The following RTBDN variants were observed in gnomAD, a reference collection of about 807,000 sequenced individuals.
The protein encoded by RTBDN is retbindin.
RTBDN carries 24 observed loss-of-function variants against 21.9 expected under a neutral mutation model. The observed-to-expected ratio is 1.10, with a 90% confidence interval of 0.79 to 1.54. The LOEUF is 1.54. Ranked by LOEUF, RTBDN falls within the 40% of genes most tolerant of loss-of-function variation. RTBDN has a pLI of 0.00. For synonymous variants in RTBDN, 141 were observed against 125.9 expected (o/e 1.12, Z -0.80); for missense variants, 325 against 315.2 (o/e 1.03, Z -0.23).
At chr19:12,829,041 GACA>G (rs1969447528) in intron 2 of RTBDN, 88 bp from the exon 3 acceptor site, 5 of 1,566,818 alleles carry the variant, frequency 3.2e-6, no homozygotes, top group Non-Finnish European at 4.3e-6. Flanking sequence ...GGACAGGGGA[GACA>G]ACAATTACAT....
At position 12,828,683 on chromosome 19, in the gene RTBDN, C is replaced by T; in HGVS notation, c.339G>A (p.Pro113=). ...AGGCCTGGCAGAGCTCCTCGCAGAG[C>T]GGCTGTGCCTGGCGTACCCCCAATA... ...LRLLGVRQAQ[P]LCEELCQAWF... Residue 113 remains proline, a synonymous_variant, in exon 4 of 6, where the codon CCG becomes CCA. Transcript: ENST00000674343. 5 of 1,613,998 alleles carry T rather than the reference C, an allele frequency of 3.1e-6. No individual in the cohort carries two copies. Among genetic ancestry groups the T allele is most frequent in the Non-Finnish European group, 4.2e-6 (5 of 1,179,924 alleles).
chr19:12,835,021 G>A (rs1969707344), upstream of RTBDN: 1 of 1,592,482 alleles, frequency 6.3e-7, no homozygotes, highest in East Asian at 2.2e-5. Context: ...AGCCGAGAAT[G>A]GGCCCAGACT....
upstream of RTBDN, chr19:12,835,174 TG>T (rs1969712600): frequency 2.1e-6 from 3 of 1,458,250 alleles, no homozygotes; most frequent in South Asian, 2.3e-5. Context: ...GCAGGAAAAA[TG>T]GTGATCAGAC....
In RTBDN at chr19:12,825,774, T is replaced by A; in HGVS notation, c.622A>T (p.Ser208Cys). Residue 208 changes from serine (S) to cysteine (C), a missense_variant, in exon 6 of 6, where the codon AGC becomes TGC. Transcript: ENST00000674343. ...GCGTCCAGGATGGAGGTGCGAGGGCTGCGGGAACGCCGGGAGGGAGCTTCC... is the reference window on the plus strand; with the variant it reads ...GCGTCCAGGATGGAGGTGCGAGGGCAGCGGGAACGCCGGGAGGGAGCTTCC... ...GREAPSRRSR[S>C]PRTSILDAAG... 6.3e-7 allele frequency: 1 copy of A among 1,594,696 alleles called. No homozygotes were observed. The highest frequency in any genetic ancestry group is 1.3e-5 in the African/African-American group (1 of 74,212).
intron 1 of RTBDN, among the ~76,000 whole-genome samples, chr19:12,832,075 TTGCTGAGTATGTGTTTGTATGTG>T (rs1330989035): frequency 2.4e-4 from 37 of 152,306 alleles, no homozygotes; most frequent in African/African-American, 8.7e-4. Flanking sequence ...GTGTCTGCAT[TTGCTGAGTATGTGTTTGTATGTG>T]TGTTAATTTG....
upstream of RTBDN, chr19:12,835,194 G>GGAC: frequency 8.3e-7 from 1 of 1,206,148 alleles, no homozygotes; most frequent in Non-Finnish European, 1.2e-6. Flanking sequence ...ACTGCAGGAA[G>GGAC]GACCTTCCAG....
chr19:12,833,168 G>A (rs941613133), intron 1 of RTBDN, among the ~76,000 whole-genome samples: 1 of 151,866 alleles, frequency 6.6e-6, no homozygotes, highest in Admixed American at 6.6e-5. Context: ...GCAGGTGGGT[G>A]GGGGGGCATA....
rs967702984 is a variant in RTBDN at position 12,830,383 on chromosome 19, A to C, written c.-18-386T>G. The C allele has an allele frequency of 3.0e-6, 3 of 994,960 alleles. No individual in the cohort carries two copies. Among genetic ancestry groups the C allele is most frequent in the Admixed American group, 5.9e-5 (1 of 16,916 alleles). The allele number at this position is 994,960 out of a possible 1,614,324, so 61.6% of individuals were successfully genotyped here. On this transcript the variant is annotated intron_variant, in intron 1 of 5. Transcript: ENST00000674343. This position sits in a 1 kb window ranked among gnomAD's most constrained non-coding sequence, Gnocchi z 4.2. ...GTTCAGTAATTCCTCCCTCTCTTCT[A>C]TGCGGCCTCCCTCCTCCCTCTCTCG...
chr19:12,834,880 C>A (rs752747606), upstream of RTBDN: 9 of 1,610,328 alleles, frequency 5.6e-6, no homozygotes, highest in Non-Finnish European at 7.6e-6. This position sits in a 1 kb window ranked among gnomAD's most constrained non-coding sequence, Gnocchi z 4.7. Flanking sequence ...AGGGTTAATA[C>A]GGAGGTCCGG....
At chr19:12,827,442 C>A (rs1179914722) in intron 4 of RTBDN, among the ~76,000 whole-genome samples, 8 of 151,548 alleles carry the variant, frequency 5.3e-5, no homozygotes, top group Non-Finnish European at 1.0e-4. Context: ...CCTGCCTCAG[C>A]CTCCCGAGTA....
At chr19:12,826,963 C>A in intron 4 of RTBDN, 92 bp from the exon 5 acceptor site, 2 of 868,122 alleles carry the variant, frequency 2.3e-6, no homozygotes, top group Non-Finnish European at 1.9e-6. Context: ...CTATATGCCC[C>A]CACCTCGGAT....
At chr19:12,835,290 C>T, upstream of RTBDN, 3 of 621,860 alleles carry the variant, frequency 4.8e-6, no homozygotes, top group South Asian at 3.7e-5. Flanking sequence ...GGAGCCTAGG[C>T]CTCTCTGAAG....
chr19:12,828,862 T>C lies in RTBDN; in HGVS notation c.254+7A>G. The stretch of plus-strand genomic sequence containing the variant: ...CGCGAGAAAACGGTGGAGGGTGCTG[T>C]ACTCACTCAGGGCTCGGCACTCCAC... On this transcript the variant is annotated splice_region_variant and intron_variant, in intron 3 of 5. Transcript: ENST00000674343. 1 of 1,614,192 alleles carries C rather than the reference T, an allele frequency of 6.2e-7. No homozygotes were observed. The highest frequency in any genetic ancestry group is 8.5e-7 in the Non-Finnish European group (1 of 1,180,026).
chr19:12,835,157 C>T (rs1317826059), upstream of RTBDN: 1 of 1,558,432 alleles, frequency 6.4e-7, no homozygotes, highest in Non-Finnish European at 8.8e-7. Flanking sequence ...GCTGATTGGT[C>T]AGTGCAGCAG....
chr19:12,828,692 C>T lies in RTBDN; in HGVS notation c.330G>A (p.Gln110=). ...AGAGCTCCTCGCAGAGCGGCTGTGC[C>T]TGGCGTACCCCCAATAGCCGCAGGC... ...RFRLRLLGVR[Q]AQPLCEELCQ... The change falls in exon 4 of 6, where the codon CAG becomes CAA. Residue 110 remains glutamine (Q), a synonymous_variant. Coordinates refer to ENST00000674343, the MANE Select transcript of RTBDN (RefSeq NM_001270441.2). 1 of 1,614,202 alleles carries T rather than the reference C, an allele frequency of 6.2e-7. No individual in the cohort carries two copies. Among genetic ancestry groups the T allele is most frequent in the Non-Finnish European group, 8.5e-7 (1 of 1,180,026 alleles).
Position 12,834,575 on chromosome 19 carries a change from A to G in RTBDN, c.-105T>C, listed in dbSNP as rs1969692894. The G allele has an allele frequency of 1.3e-6, 2 of 1,520,972 alleles. No homozygotes were observed. Among genetic ancestry groups the G allele is most frequent in the South Asian group, 1.2e-5 (1 of 83,310 alleles). The allele number at this position is 1,520,972 out of a possible 1,614,324, so 94.2% of individuals were successfully genotyped here. ...CACTCTTCATTCCACCTCCTCCACT[A>G]CAACATCCGCCCCCCCACCGCGATC... is the stretch of plus-strand genomic sequence containing the variant. On this transcript the variant is annotated 5_prime_UTR_variant, in exon 1 of 6. Transcript: ENST00000674343. The surrounding 1 kb of genome is among the most constrained non-coding windows in gnomAD (Gnocchi z 4.7).
In RTBDN at chr19:12,830,137, G is replaced by A. The variant is rs369433961; in HGVS notation, c.-18-140C>T. 78 of 1,274,212 alleles carry A rather than the reference G, an allele frequency of 6.1e-5. No homozygotes were observed. The African/African-American group carries it at 8.8e-4, about 14-fold the overall frequency. 78.9% of individuals were successfully genotyped at this position (1,274,212 alleles called of 1,614,324 possible). On this transcript the variant is annotated intron_variant, in intron 1 of 5. Transcript: ENST00000674343. This position sits in a 1 kb window ranked among gnomAD's most constrained non-coding sequence, Gnocchi z 4.2. The stretch of plus-strand genomic sequence containing the variant: ...GGAGGCTGGGGCAGTGGCCAAGGAC[G>A]TTCAAATCCCAGGAGACCATCAGGG...
Position 12,826,818 on chromosome 19 carries a change from G to A in RTBDN, c.419C>T (p.Ser140Leu), listed in dbSNP as rs765995079. The A allele has an allele frequency of 1.9e-6, 3 of 1,555,462 alleles. No individual in the cohort carries two copies. In the South Asian group the frequency reaches 3.6e-5, roughly 18 times the overall value. Reference protein sequence around the residue: ...ITCGPTWLPLSEKRGCEPSCL... With the variant: ...ITCGPTWLPLLEKRGCEPSCL... ...GCTGGGCTCACAGCCCCTTTTTTCT[G>A]AGAGTGGGAGCCAAGTCGGGCCGCA... Residue 140 changes from serine to leucine, a missense_variant, in exon 5 of 6, where the codon TCA becomes TTA. Physicochemically the swap from Ser to Leu is moderately radical, Grantham distance 145 (BLOSUM62 -2). Transcript: ENST00000674343.
At chr19:12,829,484 T>C (rs1969467240) in intron 2 of RTBDN, among the ~76,000 whole-genome samples, 2 of 152,330 alleles carry the variant, frequency 1.3e-5, no homozygotes, top group South Asian at 4.1e-4. Flanking sequence ...ATTATAGGCG[T>C]GAGCCACCGA....
Sources: allele counts gnomAD v4.1 joint callset (sites outside exome capture counted in the v4.1 genomes callset), GRCh38; gene constraint gnomAD v4.1.1; non-coding constraint Gnocchi (gnomAD v3.1); transcripts MANE v1.5; gene names NCBI Gene and HGNC (gene_info 2026-07-23, HGNC 2026-07-21).